Variants in SF1 observed in about 807,000 individuals in gnomAD.
The protein encoded by SF1 is splicing factor 1.
Under a neutral mutation model 62.5 loss-of-function variants are expected in SF1, and 7 were observed. The ratio of observed to expected loss-of-function variants is 0.11; its 90% CI spans 0.06 to 0.21. The LOEUF (loss-of-function observed/expected upper bound fraction) is 0.21, where lower values mean the gene tolerates loss of function less well. Among genes scored for constraint, SF1 ranks in the 10% least tolerant of loss-of-function variants. SF1 has a pLI of 1.00. For missense variants in SF1, 578 were observed against 884.0 expected, an observed-to-expected ratio of 0.65 and a Z score of 4.39; for synonymous variants, 394 against 323.6, an observed-to-expected ratio of 1.22 and a Z score of -2.33.
intron 1 of SF1, chr11:64,777,715 C>T: frequency 1.0e-6 from 1 of 985,558 alleles, no homozygotes; most frequent in South Asian, 4.7e-5. Context: ...TAGTGGGCCC[C>T]CAGTCTATAC....
At position 64,767,090 on chromosome 11, in the gene SF1, G is replaced by T; in HGVS notation, c.1403-11C>A. 6.2e-7 allele frequency: 1 copy of T among 1,603,874 alleles called. No individual in the cohort carries two copies. On this transcript the variant is annotated splice_polypyrimidine_tract_variant and intron_variant, in intron 11 of 12. Coordinates refer to ENST00000377390, the MANE Select transcript of SF1 (RefSeq NM_004630.4). The stretch of plus-strand genomic sequence containing the variant: ...GTGGCGGCATCATACCTGTGGACAG[G>T]TGGAGGCAAAGATGAGGCCTCAGGG...
At chr11:64,777,052 A>G (rs1359388272) in intron 1 of SF1, among the ~76,000 whole-genome samples, 1 of 152,202 alleles carries the variant, frequency 6.6e-6, no homozygotes, top group Non-Finnish European at 1.5e-5. Context: ...CACTCCCCTC[A>G]CCAGTCACTT....
At position 64,769,287 on chromosome 11, in the gene SF1, G is replaced by A; in HGVS notation, c.715C>T (p.Leu239=). The part of the protein sequence containing the change: ...GIETPEDQND[L]RKMQLRELAR... ...AACTCCCGAAGCTGCATCTTCCGTA[G>A]ATCATTCTGGTCCTCTGGAGTCTCG... is the stretch of plus-strand genomic sequence containing the variant. The change falls in exon 7 of 13, where the codon CTA becomes TTA. Residue 239 remains leucine (L), a synonymous_variant. Coordinates refer to ENST00000377390, the MANE Select transcript of SF1 (RefSeq NM_004630.4). 6.2e-7 allele frequency: 1 copy of A among 1,614,150 alleles called. No homozygotes were observed. The highest frequency in any genetic ancestry group is 8.5e-7 in the Non-Finnish European group (1 of 1,180,038).
At chr11:64,771,164 T>C (rs1371409096) in intron 3 of SF1, among the ~76,000 whole-genome samples, 3 of 152,230 alleles carry the variant, frequency 2.0e-5, no homozygotes, top group African/African-American at 4.8e-5. Context: ...GGAAAACCTA[T>C]GATTCTCCAC....
intron 4 of SF1, 52 bp downstream of exon 4, chr11:64,770,204 A>G (rs201656695): frequency 8.0e-5 from 127 of 1,596,602 alleles, no homozygotes; most frequent in South Asian, 3.3e-5. Context: ...CCAGCAGGTC[A>G]CCCATGATCT....
At position 64,765,595 on chromosome 11, in the gene SF1, CG is replaced by C. The variant is rs1386483195; in HGVS notation, c.*222del. The stretch of plus-strand genomic sequence containing the variant: ...AAGACAAAGAAGACACTCGATGCTA[CG>C]GGGCGCCAGGAGAGCCCAAGCTGGC... On this transcript the variant is annotated 3_prime_UTR_variant, in exon 13 of 13. Coordinates refer to ENST00000377390, the MANE Select transcript of SF1 (RefSeq NM_004630.4). 5 of 1,519,480 alleles carry C rather than the reference CG, an allele frequency of 3.3e-6. No individual in the cohort carries two copies. Among genetic ancestry groups the C allele is most frequent in the Non-Finnish European group, 4.4e-6 (5 of 1,140,880 alleles). The allele number at this position is 1,519,480 out of a possible 1,614,324, so 94.1% of individuals were successfully genotyped here.
At position 64,775,340 on chromosome 11, in the gene SF1, C is replaced by G. The variant is rs1939024104; in HGVS notation, c.160+1158G>C. On this transcript the variant is annotated intron_variant, in intron 2 of 12. Coordinates refer to ENST00000377390, the MANE Select transcript of SF1 (RefSeq NM_004630.4). ...AAAGAATTTGTGCTCTTCCCATCTT[C>G]TAAGTATGCTTGTGTTCTTGGGATA... Among the ~76,000 whole-genome samples the G allele has an allele frequency of 3.3e-5, 5 of 152,276 alleles. No individual in the cohort carries two copies. The South Asian group carries it at 1.0e-3, about 32-fold the overall frequency.
Position 64,765,772 on chromosome 11 carries a change from G to A in SF1, c.*46C>T. The A allele has an allele frequency of 1.3e-6, 2 of 1,495,992 alleles. No homozygotes were observed. Among genetic ancestry groups the A allele is most frequent in the Non-Finnish European group, 8.9e-7 (1 of 1,125,078 alleles). 92.7% of individuals were successfully genotyped at this position (1,495,992 alleles called of 1,614,324 possible). A position where few individuals can be genotyped will look rare whatever the true frequency, so the allele number is the denominator to read the frequency against. On this transcript the variant is annotated 3_prime_UTR_variant, in exon 13 of 13. Coordinates refer to ENST00000377390, the MANE Select transcript of SF1 (RefSeq NM_004630.4). ...GGTGAGGTTCGGCGTGTTTAAACGA[G>A]ACCAATTCTCTCTATATATAATATA...
In SF1 at chr11:64,769,691, G is replaced by A. The variant is rs914024694; in HGVS notation, c.480-82C>T. ...GAGAGGCTGGACCAATTTGGCATTG[G>A]TGGGAAACCACAAGCGCAGAGAATT... On this transcript the variant is annotated intron_variant, in intron 5 of 12. Transcript: ENST00000377390. 1.2e-5 allele frequency: 16 copies of A among 1,281,970 alleles called. No individual in the cohort carries two copies. The Admixed American group carries it at 1.4e-4, about 11-fold the overall frequency. The allele number at this position is 1,281,970 out of a possible 1,614,324, so 79.4% of individuals were successfully genotyped here. A position where few individuals can be genotyped will look rare whatever the true frequency, so the allele number is the denominator to read the frequency against.
intron 3 of SF1, among the ~76,000 whole-genome samples, chr11:64,770,881 T>C (rs1056652150): frequency 6.6e-5 from 10 of 152,204 alleles, no homozygotes; most frequent in Non-Finnish European, 1.3e-4. Flanking sequence ...ACATAGTATG[T>C]ATGAGCTCTT....
At chr11:64,769,652 C>A in intron 5 of SF1, 43 bp from the exon 6 acceptor site, 1 of 1,557,984 alleles carries the variant, frequency 6.4e-7, no homozygotes, top group Non-Finnish European at 8.8e-7. Flanking sequence ...GACAAATTCA[C>A]ACTCAAGAGG....
rs1451638694 is a variant in SF1, at chr11:64,765,212, G to A, written c.*606C>T. 1.8e-4 allele frequency: 74 copies of A among 417,380 alleles called. No individual in the cohort carries two copies. Among genetic ancestry groups the A allele is most frequent in the Non-Finnish European group, 4.3e-6 (1 of 232,570 alleles). 25.9% of individuals were successfully genotyped at this position (417,380 alleles called of 1,614,324 possible). A position where few individuals can be genotyped will look rare whatever the true frequency, so the allele number is the denominator to read the frequency against. On this transcript the variant is annotated 3_prime_UTR_variant, in exon 13 of 13. Coordinates refer to ENST00000377390, the MANE Select transcript of SF1 (RefSeq NM_004630.4). Reference sequence around the variant, plus strand: ...GCTCCCCTCTCCTTGGTAAGGGAAGGAGAACTGGAGAGAAGGGAAAGGAAT... The same window carrying A: ...GCTCCCCTCTCCTTGGTAAGGGAAGAAGAACTGGAGAGAAGGGAAAGGAAT...
In SF1 at chr11:64,769,941, C is replaced by T. The variant is rs567304857; in HGVS notation, c.479+23G>A. 568 of 1,557,624 alleles carry T rather than the reference C, an allele frequency of 3.6e-4. 5 individuals carry two copies. In the South Asian group the frequency reaches 6.0e-3, roughly 16 times the overall value. ...CACAGGCTCTAAAGGAATTCTATAT[C>T]CTATAGACCAGCAGTTACTCACCTG... On this transcript the variant is annotated intron_variant, in intron 5 of 12. Coordinates refer to ENST00000377390, the MANE Select transcript of SF1 (RefSeq NM_004630.4).
chr11:64,766,469 GCA>G, intron 12 of SF1: 1 of 479,618 alleles, frequency 2.1e-6, no homozygotes, highest in Non-Finnish European at 3.7e-6. Flanking sequence ...CCACCGAACG[GCA>G]CATTCAACCT....
At position 64,765,723 on chromosome 11, in the gene SF1, G is replaced by C. The variant is rs1349635860; in HGVS notation, c.*95C>G. 1.4e-6 allele frequency: 2 copies of C among 1,463,566 alleles called. No homozygotes were observed. The highest frequency in any genetic ancestry group is 1.8e-6 in the Non-Finnish European group (2 of 1,108,878). 90.7% of individuals were successfully genotyped at this position (1,463,566 alleles called of 1,614,324 possible). The stretch of plus-strand genomic sequence containing the variant: ...TGCGTGCACACACAATCACATGCGT[G>C]CGTCCCAATGTCTGGCTCCATATGG... On this transcript the variant is annotated 3_prime_UTR_variant, in exon 13 of 13. Transcript: ENST00000377390.
intron 3 of SF1, chr11:64,772,444 A>G (rs1162655552): frequency 9.1e-6 from 9 of 985,272 alleles, no homozygotes; most frequent in Non-Finnish European, 1.1e-5. Context: ...ATGGAGAAAC[A>G]AGGAAGTTAA....
intron 1 of SF1, among the ~76,000 whole-genome samples, 161 bp from the exon 2 acceptor site, chr11:64,776,787 C>G (rs546352869): frequency 6.6e-6 from 1 of 152,242 alleles, no homozygotes; most frequent in South Asian, 2.1e-4. Flanking sequence ...CCTCAGAGAT[C>G]AGAGATTTAA....
intron 1 of SF1, 52 bp from the exon 2 acceptor site, chr11:64,776,678 A>G: frequency 6.4e-7 from 1 of 1,572,062 alleles, no homozygotes; most frequent in Non-Finnish European, 8.7e-7. Context: ...AGTTATCAAC[A>G]GACAGCTAAG....
chr11:64,768,103 C>T lies in SF1; in HGVS notation c.1068+3G>A, dbSNP rs764458788. ...GACCAAGAGAGCCAGCCCCCAGGCTCACCGGTGGAGGTGGGTTGTTGGCGG... is the reference window on the plus strand; with the variant it reads ...GACCAAGAGAGCCAGCCCCCAGGCTTACCGGTGGAGGTGGGTTGTTGGCGG... On this transcript the variant is annotated splice_donor_region_variant and intron_variant, in intron 9 of 12. Transcript: ENST00000377390. The T allele has an allele frequency of 2.7e-5, 43 of 1,607,190 alleles. No individual in the cohort carries two copies. The highest frequency in any genetic ancestry group is 3.6e-5 in the Non-Finnish European group (42 of 1,176,836).
Sources: gnomAD v4.1 joint callset for allele counts (sites outside exome capture counted in the v4.1 genomes callset) on GRCh38, gnomAD v4.1.1 for gene constraint, MANE v1.5 for transcripts, NCBI Gene and HGNC (gene_info 2026-07-23, HGNC 2026-07-21) for gene names.